The following RALGDS variants were observed in gnomAD, a reference collection of about 807,000 sequenced individuals.
RALGDS encodes ral guanine nucleotide dissociation stimulator, also known as ral guanine nucleotide exchange factor.
Under a neutral mutation model 99.8 loss-of-function variants are expected in RALGDS, and 44 were observed. The observed-to-expected ratio is 0.44, with a 90% confidence interval of 0.35 to 0.57. The LOEUF is 0.57. RALGDS is among the 20% of genes least tolerant of loss of function. RALGDS has a pLI of 0.01. For missense variants in RALGDS, 1,022 were observed against 1,203.1 expected, an observed-to-expected ratio of 0.85 and a Z score of 2.23; for synonymous variants, 529 against 505.0, an observed-to-expected ratio of 1.05 and a Z score of -0.64.
intron 17 of RALGDS, 164 bp from the exon 18 acceptor site, chr9:133,098,926 G>A: frequency 1.5e-6 from 1 of 665,704 alleles, no homozygotes; most frequent in Non-Finnish European, 2.6e-6. Context: ...ACTCCTGCCT[G>A]AGGACAGACT....
At chr9:133,104,430 C>A (rs1444991800) in intron 9 of RALGDS, 99 bp from the exon 10 acceptor site, 36 of 1,115,894 alleles carry the variant, frequency 3.2e-5, no homozygotes, top group Non-Finnish European at 4.5e-5. Context: ...CCAGGGCTGA[C>A]CCTGTATCAA....
At position 133,143,821 on chromosome 9, in the gene RALGDS, A is replaced by AT. The variant is rs1361033802; in HGVS notation, c.18+5141_18+5142insA. 2.2e-3 allele frequency among the ~76,000 whole-genome samples: 308 copies of AT among 140,616 alleles called. 1 individual carries two copies. Among genetic ancestry groups the AT allele is most frequent in the African/African-American group, 9.1e-3 (294 of 32,348 alleles). 92.2% of individuals were successfully genotyped at this position (140,616 alleles called of 152,430 possible). On this transcript the variant is annotated intron_variant, in intron 1 of 17. Transcript: ENST00000393160. The stretch of plus-strand genomic sequence containing the variant: ...AATAATAATAATAATAATAATAATA[A>AT]AATAAAGGAATGGCTTCCACTCATT...
intron 2 of RALGDS, among the ~76,000 whole-genome samples, chr9:133,110,860 T>C (rs1389298686): frequency 6.6e-6 from 1 of 152,004 alleles, no homozygotes; most frequent in East Asian, 1.9e-4. Flanking sequence ...GGTGGGCAAA[T>C]TGCTTGAGCC....
chr9:133,125,595 G>A (rs1729314649), upstream of RALGDS, among the ~76,000 whole-genome samples: 1 of 152,090 alleles, frequency 6.6e-6, no homozygotes, highest in African/African-American at 2.4e-5. Flanking sequence ...AATTAGCCTG[G>A]CATGGTGACG....
intron 1 of RALGDS, among the ~76,000 whole-genome samples, chr9:133,128,744 T>G (rs1316520830): frequency 6.6e-6 from 1 of 152,062 alleles, no homozygotes; most frequent in Non-Finnish European, 1.5e-5. Flanking sequence ...TCTCCATCAG[T>G]AAAATGGGGA....
intron 1 of RALGDS, among the ~76,000 whole-genome samples, chr9:133,136,248 A>T (rs1832423752): frequency 6.6e-6 from 1 of 152,266 alleles, no homozygotes; most frequent in African/African-American, 2.4e-5. Flanking sequence ...GGGAAGGCTG[A>T]TGGGGCCCAT....
chr9:133,104,377 C>T, intron 9 of RALGDS, 46 bp from the exon 10 acceptor site: 1 of 1,527,168 alleles, frequency 6.5e-7, no homozygotes, highest in Non-Finnish European at 9.1e-7. Flanking sequence ...TCCCCTCAGC[C>T]CTCAGGCACC....
At chr9:133,115,266 T>A (rs1015173262) in intron 1 of RALGDS, among the ~76,000 whole-genome samples, 1 of 152,176 alleles carries the variant, frequency 6.6e-6, no homozygotes, top group Non-Finnish European at 1.5e-5. Context: ...GCCCCATGGA[T>A]GGCTCCAGGA....
chr9:133,147,682 TC>T (rs1010183372), intron 1 of RALGDS, among the ~76,000 whole-genome samples: 11 of 151,996 alleles, frequency 7.2e-5, no homozygotes, highest in African/African-American at 2.2e-4. Flanking sequence ...GGGCACTGCC[TC>T]CCCCTGGTGG....
intron 17 of RALGDS, chr9:133,099,540 T>C (rs905792299): frequency 3.9e-5 from 6 of 153,018 alleles, no homozygotes; most frequent in Middle Eastern, 3.2e-3. Flanking sequence ...TATAGTTAAC[T>C]TTTATGGTGC....
At chr9:133,133,458 G>A (rs568472982), upstream of RALGDS, among the ~76,000 whole-genome samples, 55 of 152,344 alleles carry the variant, frequency 3.6e-4, no homozygotes, top group South Asian at 0.011. Flanking sequence ...GGGGAGAGCA[G>A]GGTCTTTGTT....
intron 3 of RALGDS, 142 bp from the exon 4 acceptor site, chr9:133,109,863 T>C: frequency 1.4e-6 from 1 of 714,542 alleles, no homozygotes; most frequent in Non-Finnish European, 2.5e-6. Context: ...GTGCTTCATA[T>C]ATATTTGTTC....
intron 12 of RALGDS, 132 bp downstream of exon 12, chr9:133,103,098 G>C: frequency 7.1e-7 from 1 of 1,409,096 alleles, no homozygotes; most frequent in Non-Finnish European, 9.9e-7. Context: ...CAGTGGGAGG[G>C]GACCCCCTTC....
chr9:133,099,108 C>T, intron 17 of RALGDS: 4 of 328,890 alleles, frequency 1.2e-5, no homozygotes, highest in South Asian at 1.2e-4. Flanking sequence ...CAGAATCCTG[C>T]CCTACTCAGG....
intron 16 of RALGDS, 107 bp downstream of exon 16, chr9:133,101,413 C>T (rs781742252): frequency 1.3e-6 from 2 of 1,587,902 alleles, no homozygotes; most frequent in Non-Finnish European, 1.7e-6. Flanking sequence ...TCTGTCCTTC[C>T]CCGCCAACTA....
rs1345704782 is a variant in RALGDS at position 133,098,807 on chromosome 9, C to T, written c.2570-45G>A. ...GGGTGATCAGGGATGCTCCTGGGGG[C>T]CCTGCAGGATACCCCTACCGCTTGA... On this transcript the variant is annotated intron_variant, in intron 17 of 17. Transcript: ENST00000372050. The T allele has an allele frequency of 3.8e-6, 6 of 1,592,662 alleles. No individual in the cohort carries two copies. In the South Asian group the frequency reaches 6.6e-5, roughly 18 times the overall value.
In RALGDS at chr9:133,137,146, C is replaced by T. The variant is rs376365310; in HGVS notation, c.18+11817G>A. 2.6e-5 allele frequency among the ~76,000 whole-genome samples: 4 copies of T among 151,678 alleles called. No individual in the cohort carries two copies. In the South Asian group the frequency reaches 8.3e-4, roughly 32 times the overall value. ...TACTCGGGAGGCTGAAGCGGGAGAA[C>T]CACTTGAACCCGGGAGGTAAAGGTT... On this transcript the variant is annotated intron_variant, in intron 1 of 17. Coordinates refer to the RALGDS transcript ENST00000393160.
In RALGDS at chr9:133,101,649, G is replaced by A; in HGVS notation, c.2325C>T (p.His775=). The change falls in exon 16 of 18, where the codon CAC becomes CAT. Residue 775 remains histidine (H), a synonymous_variant. Coordinates refer to ENST00000372050, the MANE Select transcript of RALGDS (RefSeq NM_006266.4). The part of the protein sequence containing the change: ...STTPVAATRT[H]KRSVSGLCNS... ...TGCAGAGCCCTGAGACAGAGCGCTTGTGGGTGCGTGTGGCAGCCACGGGCG... is the reference window on the plus strand; with the variant it reads ...TGCAGAGCCCTGAGACAGAGCGCTTATGGGTGCGTGTGGCAGCCACGGGCG... The A allele has an allele frequency of 6.2e-7, 1 of 1,613,914 alleles. No homozygotes were observed. The highest frequency in any genetic ancestry group is 1.1e-5 in the South Asian group (1 of 91,092).
intron 13 of RALGDS, 67 bp from the exon 14 acceptor site, chr9:133,102,638 C>A: frequency 6.2e-7 from 1 of 1,607,104 alleles, no homozygotes; most frequent in Admixed American, 1.7e-5. Flanking sequence ...AGCACCTGCC[C>A]AGAAGCTGGA....
Sources: gnomAD v4.1 joint callset for allele counts (sites outside exome capture counted in the v4.1 genomes callset) on GRCh38, gnomAD v4.1.1 for gene constraint, MANE v1.5 for transcripts, NCBI Gene and HGNC (gene_info 2026-07-23, HGNC 2026-07-21) for gene names.